The following AFAP1L1 variants were observed in gnomAD, a reference collection of about 807,000 sequenced individuals.
The protein encoded by AFAP1L1 is actin filament-associated protein 1-like 1.
A neutral mutation model predicts 99.8 loss-of-function variants in AFAP1L1; 77 were observed. The ratio of observed to expected loss-of-function variants is 0.77; its 90% CI spans 0.64 to 0.93. AFAP1L1 has a LOEUF of 0.93. Ranked by LOEUF, AFAP1L1 falls within the 40% of genes least tolerant of loss-of-function variation. AFAP1L1 has a pLI of 0.00. For synonymous variants in AFAP1L1, 373 were observed against 395.3 expected (o/e 0.94, Z 0.67); for missense variants, 893 against 996.8 (o/e 0.90, Z 1.40).
At chr5:149,279,226 G>A (rs912980163) in intron 1 of AFAP1L1, among the ~76,000 whole-genome samples, 1 of 152,218 alleles carries the variant, frequency 6.6e-6, no homozygotes, top group Admixed American at 6.5e-5. Context: ...TCTACAGAAG[G>A]AGATTAAACA....
chr5:149,332,945 A>G, intron 17 of AFAP1L1, 72 bp downstream of exon 17: 1 of 1,439,878 alleles, frequency 6.9e-7, no homozygotes, highest in Non-Finnish European at 9.1e-7. Flanking sequence ...TCTCTTCTTC[A>G]TGATCATTCT....
At chr5:149,328,395 G>A (rs1477481497) in intron 15 of AFAP1L1, among the ~76,000 whole-genome samples, 1 of 152,226 alleles carries the variant, frequency 6.6e-6, no homozygotes, top group Non-Finnish European at 1.5e-5. Flanking sequence ...TGCACAGCAT[G>A]GACCCTGGAG....
At position 149,301,120 on chromosome 5, in the gene AFAP1L1, T is replaced by C. The variant is rs1756192697; in HGVS notation, c.230-13T>C. 6.2e-7 allele frequency: 1 copy of C among 1,612,788 alleles called. No individual in the cohort carries two copies. The highest frequency in any genetic ancestry group is 1.1e-5 in the South Asian group (1 of 90,992). ...CCTTGGCTTTCTTTGCCCAATGGCCTGTCCCTCTGTAGACTGTGACCTGAG... is the reference window on the plus strand; with the variant it reads ...CCTTGGCTTTCTTTGCCCAATGGCCCGTCCCTCTGTAGACTGTGACCTGAG... On this transcript the variant is annotated splice_polypyrimidine_tract_variant and intron_variant, in intron 3 of 18. Coordinates refer to ENST00000296721, the MANE Select transcript of AFAP1L1 (RefSeq NM_152406.4).
intron 16 of AFAP1L1, among the ~76,000 whole-genome samples, chr5:149,331,036 C>T (rs921809693): frequency 3.3e-5 from 5 of 151,966 alleles, no homozygotes; most frequent in African/African-American, 9.7e-5. Flanking sequence ...GAAAACCCTC[C>T]GGCACAGCCT....
At chr5:149,272,311 C>T (rs1370564081) in intron 1 of AFAP1L1, among the ~76,000 whole-genome samples, 1 of 152,232 alleles carries the variant, frequency 6.6e-6, no homozygotes, top group Non-Finnish European at 1.5e-5. Context: ...TCATTCCACT[C>T]TAAAGGGGAA....
intron 1 of AFAP1L1, among the ~76,000 whole-genome samples, chr5:149,276,275 A>G (rs1457387995): frequency 6.6e-6 from 1 of 152,252 alleles, no homozygotes; most frequent in African/African-American, 2.4e-5. Context: ...TGAGAATGGA[A>G]ACAAACGCCG....
chr5:149,279,794 G>A lies in AFAP1L1; in HGVS notation c.16+7810G>A, dbSNP rs192096536. Among the ~76,000 whole-genome samples the A allele has an allele frequency of 1.6e-3, 242 of 152,206 alleles. 3 individuals carry two copies. The highest frequency in any genetic ancestry group is 6.8e-3 in the Middle Eastern group (2 of 294). The stretch of plus-strand genomic sequence containing the variant: ...TGCTCCTTGCAGCTTTGAATATTTT[G>A]TGCCTTCACCTGGTTCACCCTTGCT... On this transcript the variant is annotated intron_variant, in intron 1 of 18. Transcript: ENST00000296721.
chr5:149,305,819 G>T (rs1756386767), intron 5 of AFAP1L1, among the ~76,000 whole-genome samples: 2 of 151,848 alleles, frequency 1.3e-5, no homozygotes, highest in Non-Finnish European at 2.9e-5. Flanking sequence ...GGAGGTCTCA[G>T]CCCAAGCAAC....
chr5:149,337,982 AAG>A (rs1757452637), intron 18 of AFAP1L1, among the ~76,000 whole-genome samples: 1 of 152,206 alleles, frequency 6.6e-6, no homozygotes, highest in Admixed American at 6.5e-5. Flanking sequence ...AGCTGGAGCA[AAG>A]AGGGAAAGCG....
chr5:149,280,471 C>CT (rs77278332), intron 1 of AFAP1L1, among the ~76,000 whole-genome samples: 3,813 of 145,278 alleles, frequency 0.026, 78 homozygotes, highest in South Asian at 0.056. Context: ...TGGGAATCTG[C>CT]TTTTTTTTTT....
rs768937041 is a variant in AFAP1L1, at chr5:149,332,688, G to T, written c.1976-7G>T. The T allele has an allele frequency of 1.2e-6, 2 of 1,608,074 alleles. No individual in the cohort carries two copies. The highest frequency in any genetic ancestry group is 1.1e-5 in the South Asian group (1 of 90,270). Reference sequence around the variant, plus strand: ...CAGCTTTTTCTTATCAATGTCTCTTGATTCAGGAGCAAAATTAAAGGCTCT... The same window carrying T: ...CAGCTTTTTCTTATCAATGTCTCTTTATTCAGGAGCAAAATTAAAGGCTCT... On this transcript the variant is annotated splice_region_variant and splice_polypyrimidine_tract_variant and intron_variant, in intron 16 of 18. Transcript: ENST00000296721.
intron 6 of AFAP1L1, 150 bp downstream of exon 6, chr5:149,306,554 A>G: frequency 1.5e-6 from 1 of 660,870 alleles, no homozygotes; most frequent in Non-Finnish European, 2.5e-6. Context: ...GTTTTGGGTG[A>G]CCCCAGCACT....
chr5:149,280,782 G>A (rs576795900), intron 1 of AFAP1L1, among the ~76,000 whole-genome samples: 18 of 151,948 alleles, frequency 1.2e-4, no homozygotes, highest in South Asian at 2.1e-4. Context: ...ATGGACCTTC[G>A]GAGATGCATT....
rs1249635064 is a variant in AFAP1L1 at position 149,315,828 on chromosome 5, C to T, written c.1028C>T (p.Ser343Phe). The T allele has an allele frequency of 6.2e-7, 1 of 1,613,972 alleles. No individual in the cohort carries two copies. Among genetic ancestry groups the T allele is most frequent in the African/African-American group, 1.3e-5 (1 of 74,906 alleles). Residue 343 changes from serine (S) to phenylalanine (F), a missense_variant, in exon 10 of 19, where the codon TCC becomes TTC. Transcript: ENST00000296721. ...GCCTGTGTCCCTCCTCAGAGGCTGT[C>T]CCAAGAGAAGCAGACCTCAGATTCT... ...LCKLDLDKRL[S>F]QEKQTSDSDS...
chr5:149,334,890 A>AT lies in AFAP1L1; in HGVS notation c.2155-704_2155-703insT, dbSNP rs34291969. ...CAAGACTCTGTCTTACAAAAAAAAAAGAAAGAAAGGAAAGAAAGAAAGAAA... is the reference window on the plus strand; with the variant it reads ...CAAGACTCTGTCTTACAAAAAAAAAATGAAAGAAAGGAAAGAAAGAAAGAAA... On this transcript the variant is annotated intron_variant, in intron 17 of 18. Transcript: ENST00000296721. Among the ~76,000 whole-genome samples, 252 of 152,158 alleles carry AT rather than the reference A, an allele frequency of 1.7e-3. 1 individual carries two copies. The highest frequency in any genetic ancestry group is 5.8e-3 in the African/African-American group (239 of 41,506).
Position 149,343,170 on chromosome 5 carries a change from T to C in AFAP1L1, c.*3140T>C, listed in dbSNP as rs953421837. Among the ~76,000 whole-genome samples, 5 of 152,050 alleles carry C rather than the reference T, an allele frequency of 3.3e-5. No individual in the cohort carries two copies. Among genetic ancestry groups the C allele is most frequent in the African/African-American group, 1.2e-4 (5 of 41,380 alleles). On this transcript the variant is annotated 3_prime_UTR_variant, in exon 19 of 19. Coordinates refer to ENST00000296721, the MANE Select transcript of AFAP1L1 (RefSeq NM_152406.4). ...AGTTATTGGTCATGACACATTTGAG[T>C]TGGACCTCGGATTAGATAAAAAGAT... is the stretch of plus-strand genomic sequence containing the variant.
intron 1 of AFAP1L1, among the ~76,000 whole-genome samples, chr5:149,274,833 C>T (rs1322244684): frequency 6.1e-5 from 9 of 148,380 alleles, no homozygotes; most frequent in African/African-American, 1.8e-4. Flanking sequence ...TGCAGTGAGC[C>T]GAGATCGAGC....
In AFAP1L1 at chr5:149,329,709, T is replaced by C. The variant is rs766163743; in HGVS notation, c.1854T>C (p.Asp618=). Residue 618 remains aspartate (D), a synonymous_variant, in exon 16 of 19, where the codon GAT becomes GAC. Transcript: ENST00000296721. ...ATGGCAAGAACCGAGCCGAGGAGGA[T>C]GCCCGGAGGTACTTGGTAGAAAAAG... ...YKYGKNRAEE[D]ARRYLVEKEK... 2 of 1,614,002 alleles carry C rather than the reference T, an allele frequency of 1.2e-6. No individual in the cohort carries two copies. The highest frequency in any genetic ancestry group is 8.5e-7 in the Non-Finnish European group (1 of 1,180,008).
At chr5:149,289,583 C>T (rs1172122753) in intron 1 of AFAP1L1, among the ~76,000 whole-genome samples, 1 of 152,210 alleles carries the variant, frequency 6.6e-6, no homozygotes, top group Non-Finnish European at 1.5e-5. Flanking sequence ...GTGCCGTCTC[C>T]TTCTACATTC....
Sources: allele counts gnomAD v4.1 joint callset (sites outside exome capture counted in the v4.1 genomes callset), GRCh38; gene constraint gnomAD v4.1.1; transcripts MANE v1.5; gene names NCBI Gene and HGNC (gene_info 2026-07-23, HGNC 2026-07-21).